BCO1: variants seen among roughly 807,000 people sequenced by gnomAD.
BCO1 encodes the protein beta,beta-carotene 15,15'-dioxygenase.
In BCO1, 54 loss-of-function variants were observed where a neutral mutation model predicts 56.3. The ratio of observed to expected loss-of-function variants is 0.96; its 90% CI spans 0.77 to 1.20. The LOEUF (loss-of-function observed/expected upper bound fraction) is 1.20. BCO1 is among the 50% of genes most tolerant of loss of function. The probability of loss-of-function intolerance (pLI) is 0.00; values close to 1 mark genes in which losing one functional copy is unlikely to be tolerated. For missense variants in BCO1, 801 were observed against 690.9 expected (o/e 1.16, Z -1.79); for synonymous variants, 318 against 266.1 (o/e 1.20, Z -1.90).
At chr16:81,257,050 CT>C (rs1567703009) in intron 2 of BCO1, among the ~76,000 whole-genome samples, 1 of 152,148 alleles carries the variant, frequency 6.6e-6, no homozygotes, top group Non-Finnish European at 1.5e-5. Flanking sequence ...AACTCCAGGC[CT>C]TTGCTTACAG....
intron 3 of BCO1, 145 bp downstream of exon 3, chr16:81,259,950 A>G: frequency 1.9e-6 from 2 of 1,030,148 alleles, no homozygotes; most frequent in Non-Finnish European, 3.0e-6. Flanking sequence ...GGTGCTACAC[A>G]GTTCTTGATC....
At chr16:81,255,816 C>T (rs1906097655) in intron 2 of BCO1, among the ~76,000 whole-genome samples, 1 of 148,516 alleles carries the variant, frequency 6.7e-6, no homozygotes, top group Non-Finnish European at 1.5e-5. Context: ...TTCTTTCTTT[C>T]TTTTTATTTA....
chr16:81,264,657 C>A lies in BCO1; in HGVS notation c.489C>A (p.Tyr163Ter). 1 of 1,614,074 alleles carries A rather than the reference C, an allele frequency of 6.2e-7. No individual in the cohort carries two copies. Among genetic ancestry groups the A allele is most frequent in the Non-Finnish European group, 8.5e-7 (1 of 1,179,950 alleles). The change falls in exon 5 of 11, where the codon TAC (tyrosine) becomes TAA (stop). Residue 163 changes from tyrosine (Y) to a stop codon, truncating the protein, a stop_gained. Coordinates refer to ENST00000258168, the MANE Select transcript of BCO1 (RefSeq NM_017429.3). LOFTEE classifies it high-confidence loss of function. Reference protein sequence around the residue: ...ETLEKVDYRKYVAVNLATSHP... With the variant: ...ETLEKVDYRK ...TCTTGCAGGTTGATTATCGTAAATA[C>A]GTGGCGGTAAATCTGGCAACGTCAC... is the stretch of plus-strand genomic sequence containing the variant.
intron 6 of BCO1, 36 bp from the exon 7 acceptor site, chr16:81,270,123 G>C (rs752605410): frequency 6.2e-7 from 1 of 1,613,422 alleles, no homozygotes; most frequent in Non-Finnish European, 8.5e-7. Context: ...GGCTGAGAGA[G>C]GGTGAGCTGA....
At chr16:81,269,969 T>C (rs759971695) in intron 6 of BCO1, among the ~76,000 whole-genome samples, 190 bp from the exon 7 acceptor site, 1 of 152,194 alleles carries the variant, frequency 6.6e-6, no homozygotes, top group Non-Finnish European at 1.5e-5. Flanking sequence ...CTTATGGAAG[T>C]ACAATAAACA....
chr16:81,239,970 AT>A (rs2151922364), intron 1 of BCO1, among the ~76,000 whole-genome samples: 1 of 152,254 alleles, frequency 6.6e-6, no homozygotes, highest in Admixed American at 6.5e-5. Context: ...ATGGACTGGA[AT>A]TGTTCATAAG....
chr16:81,243,052 G>A (rs1905210114), intron 1 of BCO1, among the ~76,000 whole-genome samples: 1 of 152,078 alleles, frequency 6.6e-6, no homozygotes, highest in Non-Finnish European at 1.5e-5. Context: ...AAATCCATAG[G>A]AAAGAAGATG....
At chr16:81,255,973 C>T (rs530646590) in intron 2 of BCO1, among the ~76,000 whole-genome samples, 68 of 142,540 alleles carry the variant, frequency 4.8e-4, no homozygotes, top group African/African-American at 1.4e-3. Context: ...CCCAGTACCC[C>T]GGCTAATTTT....
chr16:81,256,272 T>C (rs1240084046), intron 2 of BCO1, among the ~76,000 whole-genome samples: 1 of 152,120 alleles, frequency 6.6e-6, no homozygotes, highest in East Asian at 1.9e-4. Flanking sequence ...CTAGTTTCCT[T>C]TTCCTAAGAT....
intron 7 of BCO1, among the ~76,000 whole-genome samples, chr16:81,271,345 C>G (rs183553865): frequency 2.2e-4 from 33 of 151,758 alleles, no homozygotes; most frequent in African/African-American, 7.5e-4. Context: ...GAACTCCTGA[C>G]CTCAGGTGAT....
intron 7 of BCO1, among the ~76,000 whole-genome samples, chr16:81,275,398 C>T (rs1907493970): frequency 6.6e-6 from 1 of 152,246 alleles, no homozygotes; most frequent in Admixed American, 6.5e-5. Context: ...AGTGATTCTG[C>T]AGTGCAGCCG....
At chr16:81,246,880 A>T (rs1905458360) in intron 2 of BCO1, among the ~76,000 whole-genome samples, 1 of 149,050 alleles carries the variant, frequency 6.7e-6, no homozygotes. Context: ...AAGAGTACAG[A>T]GCTGGAAAGA....
intron 8 of BCO1, among the ~76,000 whole-genome samples, chr16:81,284,799 TTTTC>T (rs1908079360): frequency 6.6e-6 from 1 of 150,696 alleles, no homozygotes; most frequent in African/African-American, 2.4e-5. Flanking sequence ...TTCCTATTTC[TTTTC>T]TTTTTGTTTT....
chr16:81,275,581 T>A (rs1415268498), intron 7 of BCO1, among the ~76,000 whole-genome samples: 1 of 152,240 alleles, frequency 6.6e-6, no homozygotes, highest in Non-Finnish European at 1.5e-5. Context: ...CTCTGTCTCA[T>A]CAGCAGTTCA....
At chr16:81,266,799 G>T (rs551388334) in intron 5 of BCO1, among the ~76,000 whole-genome samples, 1 of 152,126 alleles carries the variant, frequency 6.6e-6, no homozygotes, top group Non-Finnish European at 1.5e-5. Context: ...GTGGCACTGC[G>T]ACTCATGCCC....
chr16:81,244,198 T>C (rs765256029), intron 1 of BCO1, among the ~76,000 whole-genome samples: 5 of 152,218 alleles, frequency 3.3e-5, no homozygotes, highest in Non-Finnish European at 5.9e-5. Flanking sequence ...CTGAGAGGAC[T>C]TGGGTGGAGG....
chr16:81,285,722 A>G, intron 9 of BCO1, 88 bp downstream of exon 9: 1 of 1,007,632 alleles, frequency 9.9e-7, no homozygotes, highest in South Asian at 1.3e-5. Context: ...GACGTTGATT[A>G]GAAAAGAGGA....
At chr16:81,244,607 G>T (rs1905286430) in intron 1 of BCO1, among the ~76,000 whole-genome samples, 2 of 151,830 alleles carry the variant, frequency 1.3e-5, no homozygotes, top group African/African-American at 4.8e-5. Flanking sequence ...TCAAGACTTA[G>T]CCAGGTTGCC....
chr16:81,284,103 G>A (rs1255428088), intron 8 of BCO1, among the ~76,000 whole-genome samples: 1 of 151,688 alleles, frequency 6.6e-6, no homozygotes, highest in African/African-American at 2.4e-5. Flanking sequence ...TGAAGCAGGA[G>A]AATTGCTTGA....
Sources: gnomAD v4.1 joint callset for allele counts (sites outside exome capture counted in the v4.1 genomes callset) on GRCh38, gnomAD v4.1.1 for gene constraint, MANE v1.5 for transcripts, NCBI Gene and HGNC (gene_info 2026-07-23, HGNC 2026-07-21) for gene names.